Variants in MTG1 observed in about 807,000 individuals in gnomAD.
MTG1 encodes mitochondrial ribosome-associated GTPase 1.
MTG1 carries 30 observed loss-of-function variants against 39.5 expected under a neutral mutation model. The ratio of observed to expected loss-of-function variants is 0.76; its 90% confidence interval spans 0.57 to 1.03. MTG1 has a LOEUF of 1.03. Among genes scored for constraint, MTG1 ranks in the 50% least tolerant of loss-of-function variants. The pLI, the probability that MTG1 is intolerant of heterozygous loss-of-function variation, is 0.00. For synonymous variants in MTG1, 217 were observed against 179.0 expected (o/e 1.21, Z -1.69); for missense variants, 513 against 447.4 (o/e 1.15, Z -1.32).
In MTG1 at chr10:133,399,459, G is replaced by A. The variant is rs116785585; in HGVS notation, c.421-70G>A. The A allele has an allele frequency of 4.0e-6, 6 of 1,497,168 alleles. No homozygotes were observed. In the African/African-American group the frequency reaches 6.9e-5, roughly 17 times the overall value. 92.7% of individuals were successfully genotyped at this position (1,497,168 alleles called of 1,614,324 possible). On this transcript the variant is annotated intron_variant, in intron 5 of 10. Coordinates refer to ENST00000317502, the MANE Select transcript of MTG1 (RefSeq NM_138384.4). ...ACCTGGCCTGGGGTCCCCTTGCCTG[G>A]GTGGGGTTGCAGAGTCTCAGGCTCT...
intron 9 of MTG1, among the ~76,000 whole-genome samples, chr10:133,406,549 G>A (rs1174682732): frequency 6.6e-6 from 1 of 150,950 alleles, no homozygotes; most frequent in Admixed American, 6.6e-5. Flanking sequence ...TTTTGCTTTT[G>A]TTGCCTGTGC....
At position 133,402,196 on chromosome 10, in the gene MTG1, G is replaced by A. The variant is rs1479408482; in HGVS notation, c.621G>A (p.Leu207=). 1.2e-6 allele frequency: 2 copies of A among 1,614,142 alleles called. No individual in the cohort carries two copies. Among genetic ancestry groups the A allele is most frequent in the Non-Finnish European group, 1.7e-6 (2 of 1,180,002 alleles). ...LMFLLDTPGV[L]APRIESVETG... ...TCCTGTTGGACACTCCTGGCGTGCTGGCTCCTCGGATTGAAAGTGTGGAGA... is the reference window on the plus strand; with the variant it reads ...TCCTGTTGGACACTCCTGGCGTGCTAGCTCCTCGGATTGAAAGTGTGGAGA... Residue 207 remains leucine (L), a synonymous_variant, in exon 8 of 11, where the codon CTG becomes CTA. Coordinates refer to ENST00000317502, the MANE Select transcript of MTG1 (RefSeq NM_138384.4). The surrounding 1 kb of genome is among the most constrained non-coding windows in gnomAD (Gnocchi z 4.7).
rs1297601152 is a variant in MTG1, at chr10:133,399,283, C to T, written c.420+57C>T. On this transcript the variant is annotated intron_variant, in intron 5 of 10. Transcript: ENST00000317502. The stretch of plus-strand genomic sequence containing the variant: ...GAGGCGGGCGTGGGATGGGCCAGCC[C>T]CTCCTGCCTGGCCTCTCCAAGGAGA... 13 of 1,580,776 alleles carry T rather than the reference C, an allele frequency of 8.2e-6. No individual in the cohort carries two copies. In the South Asian group the frequency reaches 8.9e-5, roughly 11 times the overall value.
At chr10:133,412,991 G>A (rs1454826180) in intron 9 of MTG1, among the ~76,000 whole-genome samples, 2 of 152,184 alleles carry the variant, frequency 1.3e-5, no homozygotes, top group South Asian at 2.1e-4. Context: ...GTACAGAAAC[G>A]CTCAGGAGAT....
chr10:133,421,373 G>C lies in MTG1; in HGVS notation c.*1208G>C, dbSNP rs1035328286. The stretch of plus-strand genomic sequence containing the variant: ...CCATCAGCTTGCAGTGCTGTGGTGT[G>C]TGAGGGTCTGGTGCAGCTCAGCCCA... On this transcript the variant is annotated 3_prime_UTR_variant, in exon 11 of 11. Coordinates refer to ENST00000317502, the MANE Select transcript of MTG1 (RefSeq NM_138384.4). The C allele has an allele frequency of 1.3e-5, 2 of 153,368 alleles. No homozygotes were observed. Among genetic ancestry groups the C allele is most frequent in the Non-Finnish European group, 2.9e-5 (2 of 68,274 alleles). 9.5% of individuals were successfully genotyped at this position (153,368 alleles called of 1,614,324 possible).
intron 9 of MTG1, 33 bp from the exon 10 acceptor site, chr10:133,419,447 G>A: frequency 6.5e-7 from 1 of 1,549,458 alleles, no homozygotes; most frequent in Non-Finnish European, 8.7e-7. Context: ...TCAGTGCTGG[G>A]CCCCCTGGTG....
Position 133,422,117 on chromosome 10 carries a change from C to T in MTG1, c.*1952C>T, listed in dbSNP as rs1850252190. On this transcript the variant is annotated 3_prime_UTR_variant, in exon 11 of 11. Transcript: ENST00000317502. ...CAGCGCCACTCCATGTCTCTCCTGT[C>T]CTTGGATGTTGGGGGGCTCAGCCTC... 6.5e-6 allele frequency: 1 copy of T among 152,930 alleles called. No individual in the cohort carries two copies. The highest frequency in any genetic ancestry group is 2.4e-5 in the African/African-American group (1 of 41,458). The allele number at this position is 152,930 out of a possible 1,614,324, so 9.5% of individuals were successfully genotyped here. A position where few individuals can be genotyped will look rare whatever the true frequency, so the allele number is the denominator to read the frequency against.
chr10:133,397,446 G>C (rs1348901370), intron 3 of MTG1, among the ~76,000 whole-genome samples: 1 of 144,040 alleles, frequency 6.9e-6, no homozygotes, highest in Non-Finnish European at 1.5e-5. Context: ...AGGCACAGCT[G>C]TCTTTTCTTT....
chr10:133,402,882 G>A lies in MTG1; in HGVS notation c.752+109G>A, dbSNP rs1849907371. The A allele has an allele frequency of 7.4e-6, 6 of 812,702 alleles. No individual in the cohort carries two copies. The highest frequency in any genetic ancestry group is 3.6e-5 in the South Asian group (2 of 55,066). The allele number at this position is 812,702 out of a possible 1,614,324, so 50.3% of individuals were successfully genotyped here. ...AGCATTATAAAGGTATTATAAACAC[G>A]GTAACCTGCACATCGTTTAAAGCGT... On this transcript the variant is annotated intron_variant, in intron 9 of 10. Transcript: ENST00000317502. This position sits in a 1 kb window ranked among gnomAD's most constrained non-coding sequence, Gnocchi z 4.7.
At chr10:133,399,419 T>G (rs1849836408) in intron 5 of MTG1, 110 bp from the exon 6 acceptor site, 1 of 1,262,848 alleles carries the variant, frequency 7.9e-7, no homozygotes, top group East Asian at 2.3e-5. Context: ...TTAACCTCCC[T>G]TCTTCCCTGA....
chr10:133,397,658 T>G (rs1464450599), intron 3 of MTG1, among the ~76,000 whole-genome samples: 1 of 151,970 alleles, frequency 6.6e-6, no homozygotes, highest in African/African-American at 2.4e-5. Context: ...TTTTGTATCT[T>G]TAGTAGAGAC....
At chr10:133,404,276 G>T (rs2133500728) in intron 9 of MTG1, among the ~76,000 whole-genome samples, 1 of 151,832 alleles carries the variant, frequency 6.6e-6, no homozygotes, top group East Asian at 1.9e-4. Context: ...ACAGGCGTGT[G>T]CCACCACACA....
At position 133,394,169 on chromosome 10, in the gene MTG1, C is replaced by G. The variant is rs1849742235; in HGVS notation, c.-52C>G. 7.2e-7 allele frequency: 1 copy of G among 1,388,808 alleles called. No homozygotes were observed. 86.0% of individuals were successfully genotyped at this position (1,388,808 alleles called of 1,614,324 possible). A position where few individuals can be genotyped will look rare whatever the true frequency, so the allele number is the denominator to read the frequency against. ...GCGCCGGAACCTCAGAGGCGGGTCG[C>G]AGCGGCGCAGAGGAGGTCAGCTGCG... On this transcript the variant is annotated 5_prime_UTR_variant, in exon 1 of 11. Coordinates refer to ENST00000317502, the MANE Select transcript of MTG1 (RefSeq NM_138384.4).
chr10:133,416,017 A>AGG (rs1564823381), intron 9 of MTG1, among the ~76,000 whole-genome samples: 1 of 137,574 alleles, frequency 7.3e-6, no homozygotes, highest in South Asian at 2.5e-4. Context: ...GGTGTCGGGC[A>AGG]CGTGGGTGTC....
At chr10:133,397,105 T>C (rs572629972) in intron 3 of MTG1, among the ~76,000 whole-genome samples, 6 of 152,378 alleles carry the variant, frequency 3.9e-5, no homozygotes, top group Admixed American at 3.9e-4. Flanking sequence ...GCTTCAGTGG[T>C]CACGCTCCTA....
At chr10:133,415,977 G>A (rs1039675150) in intron 9 of MTG1, among the ~76,000 whole-genome samples, 2 of 142,670 alleles carry the variant, frequency 1.4e-5, no homozygotes, top group Admixed American at 7.0e-5. Flanking sequence ...TCGGGCAGGC[G>A]GGTGTCGGCA....
At chr10:133,418,343 A>G (rs1437921386) in intron 9 of MTG1, among the ~76,000 whole-genome samples, 1 of 152,020 alleles carries the variant, frequency 6.6e-6, no homozygotes, top group Non-Finnish European at 1.5e-5. Flanking sequence ...TTGTTAGGTG[A>G]TGGATATCTA....
At chr10:133,405,934 T>C (rs549257883) in intron 9 of MTG1, among the ~76,000 whole-genome samples, 3 of 152,380 alleles carry the variant, frequency 2.0e-5, no homozygotes, top group Non-Finnish European at 2.9e-5. Context: ...GTAGCTGTAC[T>C]AACTTACATT....
intron 9 of MTG1, among the ~76,000 whole-genome samples, chr10:133,407,712 G>A (rs1849988484): frequency 6.6e-6 from 1 of 152,030 alleles, no homozygotes; most frequent in African/African-American, 2.4e-5. Context: ...GGGATTACAG[G>A]CGTGTGCCAC....
Sources: allele counts gnomAD v4.1 joint callset (sites outside exome capture counted in the v4.1 genomes callset), GRCh38; gene constraint gnomAD v4.1.1; non-coding constraint Gnocchi (gnomAD v3.1); transcripts MANE v1.5; gene names NCBI Gene and HGNC (gene_info 2026-07-23, HGNC 2026-07-21).